EVA1C: variants seen among roughly 807,000 people sequenced by gnomAD.
The protein encoded by EVA1C is protein eva-1 homolog C.
Under a neutral mutation model 45.4 loss-of-function variants are expected in EVA1C, and 25 were observed. The ratio of observed to expected loss-of-function variants is 0.55; its 90% CI spans 0.40 to 0.77. The LOEUF (loss-of-function observed/expected upper bound fraction) is 0.77. Among genes scored for constraint, EVA1C ranks in the 30% least tolerant of loss-of-function variants. The pLI is 0.00. For missense variants in EVA1C, 479 were observed against 554.8 expected (o/e 0.86, Z 1.37); for synonymous variants, 190 against 221.2 (o/e 0.86, Z 1.25).
chr21:32,431,409 C>G (rs1483559758), intron 1 of EVA1C, among the ~76,000 whole-genome samples: 1 of 152,232 alleles, frequency 6.6e-6, no homozygotes, highest in Admixed American at 6.5e-5. Flanking sequence ...TGTCACCCAA[C>G]GACACTAAGG....
At chr21:32,481,299 C>T (rs904448178) in intron 4 of EVA1C, among the ~76,000 whole-genome samples, 3 of 151,784 alleles carry the variant, frequency 2.0e-5, no homozygotes, top group African/African-American at 7.3e-5. Flanking sequence ...TCTTTTGAAA[C>T]TTAAGGTTTT....
At chr21:32,473,348 C>T (rs1034128833) in intron 4 of EVA1C, among the ~76,000 whole-genome samples, 2 of 152,240 alleles carry the variant, frequency 1.3e-5, no homozygotes, top group African/African-American at 2.4e-5. Context: ...GGAAAGGGAC[C>T]ATTGTCGGGC....
intron 4 of EVA1C, 71 bp downstream of exon 4, chr21:32,467,919 TA>T: frequency 1.1e-6 from 1 of 896,778 alleles, no homozygotes; most frequent in Non-Finnish European, 1.5e-6. Flanking sequence ...TATATATATA[TA>T]TCCTATATAT....
intron 7 of EVA1C, among the ~76,000 whole-genome samples, chr21:32,513,430 C>T (rs1486740073): frequency 2.0e-5 from 3 of 148,764 alleles, no homozygotes; most frequent in Non-Finnish European, 4.5e-5. Context: ...TCTCCTGCCT[C>T]GGCCTCCCAA....
At chr21:32,446,780 C>G (rs1465486365) in intron 1 of EVA1C, among the ~76,000 whole-genome samples, 1 of 152,180 alleles carries the variant, frequency 6.6e-6, no homozygotes, top group Non-Finnish European at 1.5e-5. Context: ...GTCCTGGCAT[C>G]CTTGTTTCCA....
intron 2 of EVA1C, among the ~76,000 whole-genome samples, chr21:32,456,563 ACCTGG>A (rs2035790855): frequency 6.6e-6 from 1 of 152,154 alleles, no homozygotes; most frequent in African/African-American, 2.4e-5. Context: ...AATGGGGGAT[ACCTGG>A]CGGGGCCAGC....
At chr21:32,461,090 T>C (rs2035981016) in intron 3 of EVA1C, among the ~76,000 whole-genome samples, 1 of 152,138 alleles carries the variant, frequency 6.6e-6, no homozygotes, top group Admixed American at 6.5e-5. Flanking sequence ...TGGAGTCTTT[T>C]TGGAGCAAGT....
At chr21:32,415,339 G>A (rs540940316) in intron 1 of EVA1C, among the ~76,000 whole-genome samples, 50 of 152,298 alleles carry the variant, frequency 3.3e-4, no homozygotes, top group Non-Finnish European at 4.3e-4. Flanking sequence ...ACTAGCAGAG[G>A]ATAGAGGAAA....
intron 1 of EVA1C, among the ~76,000 whole-genome samples, chr21:32,424,144 A>G (rs1367780584): frequency 6.6e-6 from 1 of 152,234 alleles, no homozygotes; most frequent in African/African-American, 2.4e-5. Context: ...GACAGCTTTC[A>G]GAGTAGTGTT....
intron 7 of EVA1C, among the ~76,000 whole-genome samples, chr21:32,505,524 C>A (rs2037697043): frequency 6.6e-6 from 1 of 152,154 alleles, no homozygotes; most frequent in Admixed American, 6.5e-5. Flanking sequence ...TTGCTGTGTG[C>A]TTTACCCCAA....
At chr21:32,513,483 C>T (rs1382345500) in intron 7 of EVA1C, among the ~76,000 whole-genome samples, 9 of 144,860 alleles carry the variant, frequency 6.2e-5, no homozygotes, top group Non-Finnish European at 1.4e-4. Context: ...CCGGCCAATA[C>T]TTATTATATT....
intron 5 of EVA1C, 85 bp downstream of exon 5, chr21:32,495,255 C>A: frequency 7.0e-7 from 1 of 1,434,910 alleles, no homozygotes; most frequent in Non-Finnish European, 9.6e-7. Flanking sequence ...AGGAGTTTGC[C>A]CAGAACAAGC....
intron 7 of EVA1C, among the ~76,000 whole-genome samples, chr21:32,505,511 G>A (rs2037696364): frequency 6.6e-6 from 1 of 152,164 alleles, no homozygotes; most frequent in South Asian, 2.1e-4. Context: ...GTGAGCTGTG[G>A]CCTTGCTGTG....
At chr21:32,432,072 C>T (rs4817490) in intron 1 of EVA1C, among the ~76,000 whole-genome samples, 20,238 of 151,818 alleles carry the variant, frequency 0.13, 1,499 homozygotes, top group East Asian at 0.24. Flanking sequence ...TCTTGAAGAA[C>T]GCAAGATGGT....
chr21:32,470,844 C>T lies in EVA1C; in HGVS notation c.634+2996C>T, dbSNP rs141870692. Among the ~76,000 whole-genome samples, 1,495 of 151,860 alleles carry T rather than the reference C, an allele frequency of 9.8e-3. 24 individuals are homozygous for T. The highest frequency in any genetic ancestry group is 0.037 in the Admixed American group (563 of 15,268). On this transcript the variant is annotated intron_variant, in intron 4 of 7. Coordinates refer to ENST00000300255, the MANE Select transcript of EVA1C (RefSeq NM_058187.5). ...TGCGATCTCGGCTCACTGCAACCTCCGTCTCTAGGGTTCAGGTGATTCTCC... is the reference window on the plus strand; with the variant it reads ...TGCGATCTCGGCTCACTGCAACCTCTGTCTCTAGGGTTCAGGTGATTCTCC...
At chr21:32,454,825 C>A (rs1568901462) in intron 2 of EVA1C, among the ~76,000 whole-genome samples, 1 of 152,096 alleles carries the variant, frequency 6.6e-6, no homozygotes, top group Admixed American at 6.6e-5. Flanking sequence ...AAGAATTTTT[C>A]TATTTCTCAC....
intron 7 of EVA1C, among the ~76,000 whole-genome samples, chr21:32,513,559 T>C (rs1355448902): frequency 7.0e-6 from 1 of 141,846 alleles, no homozygotes; most frequent in Non-Finnish European, 1.5e-5. Context: ...TTCTTTTTTT[T>C]TTTTTTTTTT....
intron 7 of EVA1C, among the ~76,000 whole-genome samples, chr21:32,512,215 G>A (rs1028226473): frequency 6.6e-6 from 1 of 152,132 alleles, no homozygotes; most frequent in African/African-American, 2.4e-5. Flanking sequence ...TCCTATACGG[G>A]TGTGCATTCA....
chr21:32,414,400 C>T (rs2033957297), intron 1 of EVA1C, among the ~76,000 whole-genome samples: 1 of 152,160 alleles, frequency 6.6e-6, no homozygotes, highest in Admixed American at 6.5e-5. Context: ...CAGCCACCAT[C>T]TAGCTCTGAA....
Sources: gnomAD v4.1 joint callset for allele counts (sites outside exome capture counted in the v4.1 genomes callset) on GRCh38, gnomAD v4.1.1 for gene constraint, MANE v1.5 for transcripts, NCBI Gene and HGNC (gene_info 2026-07-23, HGNC 2026-07-21) for gene names.